The following SUGCT variants were observed in gnomAD, a reference collection of about 807,000 sequenced individuals.
SUGCT encodes succinyl-CoA:glutarate-CoA transferase.
Under a neutral mutation model 55.0 loss-of-function variants are expected in SUGCT, and 41 were observed. The observed-to-expected ratio is 0.74, with a 90% confidence interval of 0.58 to 0.97. The LOEUF is 0.97. SUGCT is among the 50% of genes least tolerant of loss of function. The probability of loss-of-function intolerance (pLI) is 0.00; values close to 1 mark genes in which losing one functional copy is unlikely to be tolerated. For synonymous variants in SUGCT, 187 were observed against 200.4 expected, an observed-to-expected ratio of 0.93 and a Z score of 0.56; for missense variants, 568 against 547.8, an observed-to-expected ratio of 1.04 and a Z score of -0.37.
intron 9 of SUGCT, among the ~76,000 whole-genome samples, chr7:40,430,027 A>C (rs1787811625): frequency 6.6e-6 from 1 of 152,180 alleles, no homozygotes; most frequent in Admixed American, 6.5e-5. Context: ...TAAAAGCTGA[A>C]CAATATAATA....
intron 12 of SUGCT, among the ~76,000 whole-genome samples, chr7:40,600,243 A>C (rs1384682024): frequency 1.3e-5 from 2 of 152,096 alleles, no homozygotes; most frequent in African/African-American, 2.4e-5. Flanking sequence ...CTCATTTCTT[A>C]TGTGTGTGTG....
chr7:40,674,863 T>C (rs1783876671), intron 12 of SUGCT, among the ~76,000 whole-genome samples: 1 of 151,976 alleles, frequency 6.6e-6, no homozygotes, highest in African/African-American at 2.4e-5. Flanking sequence ...GAGACAAAGA[T>C]GAGAAGTTCT....
At chr7:40,259,062 A>G (rs375927003) in intron 7 of SUGCT, among the ~76,000 whole-genome samples, 17 of 152,240 alleles carry the variant, frequency 1.1e-4, no homozygotes, top group African/African-American at 4.1e-4. Context: ...TAAGCCAGGC[A>G]CAGAAGATGA....
At chr7:40,520,547 AG>A (rs962861170) in intron 12 of SUGCT, among the ~76,000 whole-genome samples, 12 of 152,268 alleles carry the variant, frequency 7.9e-5, no homozygotes, top group African/African-American at 2.9e-4. Context: ...CTACCTTCAG[AG>A]GAGCCCACAG....
chr7:40,211,790 C>T (rs745801528), intron 6 of SUGCT, among the ~76,000 whole-genome samples: 5 of 152,124 alleles, frequency 3.3e-5, no homozygotes, highest in Non-Finnish European at 5.9e-5. Context: ...CCACCACATT[C>T]CCAGCATTTC....
chr7:40,636,975 G>A (rs1293399956), intron 12 of SUGCT, among the ~76,000 whole-genome samples: 1 of 152,148 alleles, frequency 6.6e-6, no homozygotes. Flanking sequence ...GAAAGGAGTG[G>A]TGACTTTTGC....
intron 1 of SUGCT, among the ~76,000 whole-genome samples, chr7:40,137,902 GA>G (rs1787781611): frequency 6.6e-6 from 1 of 152,084 alleles, no homozygotes; most frequent in South Asian, 2.1e-4. Flanking sequence ...CACTGGTCTT[GA>G]ACTCCTCAGC....
chr7:40,740,916 A>G (rs2128704432), intron 12 of SUGCT, among the ~76,000 whole-genome samples: 1 of 152,336 alleles, frequency 6.6e-6, no homozygotes, highest in African/African-American at 2.4e-5. Context: ...TGAGAAATAA[A>G]GCCATAATTT....
chr7:40,179,899 G>A (rs2064425208), intron 1 of SUGCT, among the ~76,000 whole-genome samples: 2 of 152,178 alleles, frequency 1.3e-5, no homozygotes. Context: ...TGCCAACGTG[G>A]GAGGAGAATG....
the SUGCT span, among the ~76,000 whole-genome samples, chr7:40,948,053 C>T: frequency 1.3e-5 from 2 of 152,152 alleles, no homozygotes; most frequent in Non-Finnish European, 2.9e-5. Flanking sequence ...TGCTTTTATA[C>T]TCTGTGTTTG....
intron 12 of SUGCT, among the ~76,000 whole-genome samples, chr7:40,631,560 G>A (rs993593526): frequency 6.6e-6 from 1 of 152,208 alleles, no homozygotes; most frequent in Non-Finnish European, 1.5e-5. Context: ...ATTGGGTCTG[G>A]ATAACCATAG....
intron 11 of SUGCT, among the ~76,000 whole-genome samples, chr7:40,460,756 G>C (rs1789750430): frequency 6.6e-6 from 1 of 152,086 alleles, no homozygotes; most frequent in Admixed American, 6.6e-5. Flanking sequence ...CCCTCTTTGG[G>C]GTGAATTATA....
At chr7:40,981,661 G>A in the SUGCT span, among the ~76,000 whole-genome samples, 1 of 152,068 alleles carries the variant, frequency 6.6e-6, no homozygotes, top group Non-Finnish European at 1.5e-5. Context: ...TTCAATACTT[G>A]GATTGGAAAT....
intron 6 of SUGCT, among the ~76,000 whole-genome samples, chr7:40,214,017 C>T (rs553969169): frequency 6.6e-6 from 1 of 152,232 alleles, no homozygotes; most frequent in East Asian, 1.9e-4. Context: ...ATTATTATCT[C>T]CATTTTTAGA....
intron 9 of SUGCT, among the ~76,000 whole-genome samples, chr7:40,411,121 G>A (rs1006735184): frequency 1.3e-5 from 2 of 152,126 alleles, no homozygotes; most frequent in African/African-American, 2.4e-5. Context: ...GGCTGGGCGC[G>A]GTGGCTCATG....
chr7:40,703,237 T>C (rs934564262), intron 12 of SUGCT, among the ~76,000 whole-genome samples: 3 of 152,148 alleles, frequency 2.0e-5, no homozygotes, highest in Non-Finnish European at 4.4e-5. Flanking sequence ...GCTAATTTTG[T>C]ATTTTTAGTA....
chr7:40,727,383 A>T (rs1210051585), intron 12 of SUGCT, among the ~76,000 whole-genome samples: 1 of 152,186 alleles, frequency 6.6e-6, no homozygotes, highest in African/African-American at 2.4e-5. Context: ...ATCTTTCTTC[A>T]TCTTCAGCAG....
At chr7:40,586,998 G>A (rs529898365) in intron 12 of SUGCT, among the ~76,000 whole-genome samples, 1 of 152,328 alleles carries the variant, frequency 6.6e-6, no homozygotes, top group African/African-American at 2.4e-5. Flanking sequence ...CAACATGGAT[G>A]AATCACAAAT....
chr7:40,174,800 G>A lies in SUGCT; in HGVS notation c.101-6147G>A, dbSNP rs566173923. On this transcript the variant is annotated intron_variant, in intron 1 of 13. Transcript: ENST00000335693. ...CTGCCAACAGGAAAACTTAATTAAAGGCTATTAAGATTTTAAAATATTATG... is the reference window on the plus strand; with the variant it reads ...CTGCCAACAGGAAAACTTAATTAAAAGCTATTAAGATTTTAAAATATTATG... Among the ~76,000 whole-genome samples, 13 of 152,256 alleles carry A rather than the reference G, an allele frequency of 8.5e-5. No individual in the cohort carries two copies. The East Asian group carries it at 2.1e-3, about 25-fold the overall frequency.
Sources: allele counts gnomAD v4.1 joint callset (sites outside exome capture counted in the v4.1 genomes callset), GRCh38; gene constraint gnomAD v4.1.1; transcripts MANE v1.5; gene names NCBI Gene and HGNC (gene_info 2026-07-23, HGNC 2026-07-21).